Variants in DNAH7 observed in about 807,000 individuals in gnomAD.
DNAH7 encodes the protein dynein axonemal heavy chain 7.
In DNAH7, 397 loss-of-function variants were observed where a neutral mutation model predicts 444.6. The observed-to-expected ratio is 0.89, with a 90% confidence interval of 0.82 to 0.97. The LOEUF is 0.97. DNAH7 is among the 50% of genes least tolerant of loss of function. The probability of loss-of-function intolerance (pLI) is 0.00; values close to 1 mark genes in which losing one functional copy is unlikely to be tolerated. For missense variants in DNAH7, 4,902 were observed against 4,800.8 expected, an observed-to-expected ratio of 1.02 and a Z score of -0.62; for synonymous variants, 1,636 against 1,624.4, an observed-to-expected ratio of 1.01 and a Z score of -0.17.
At chr2:195,975,361 T>C (rs905337735) in intron 15 of DNAH7, among the ~76,000 whole-genome samples, 9 of 152,020 alleles carry the variant, frequency 5.9e-5, no homozygotes, top group Admixed American at 4.6e-4. Flanking sequence ...CAAATGCCCA[T>C]GGAGGGACCA....
At chr2:196,065,213 A>G (rs953834334) in intron 1 of DNAH7, among the ~76,000 whole-genome samples, 3 of 152,328 alleles carry the variant, frequency 2.0e-5, no homozygotes, top group African/African-American at 7.2e-5. Context: ...ATAGAAACAC[A>G]TTGAATACTG....
intron 7 of DNAH7, among the ~76,000 whole-genome samples, chr2:196,025,413 C>A (rs568925460): frequency 6.6e-6 from 1 of 152,236 alleles, no homozygotes; most frequent in East Asian, 1.9e-4. Context: ...CTCTCCTTTA[C>A]CTTTAAGCGC....
intron 10 of DNAH7, among the ~76,000 whole-genome samples, chr2:196,008,631 A>G (rs1694531163): frequency 6.6e-6 from 1 of 152,240 alleles, no homozygotes; most frequent in African/African-American, 2.4e-5. Context: ...TACATGCTAT[A>G]ATATGAATGA....
At chr2:195,875,888 A>C in intron 37 of DNAH7, 45 bp from the exon 38 acceptor site, 1 of 1,552,320 alleles carries the variant, frequency 6.4e-7, no homozygotes, top group Non-Finnish European at 8.7e-7. Flanking sequence ...TAACATCTCA[A>C]CATACAGTCC....
chr2:195,990,552 A>C (rs1311820558), intron 12 of DNAH7, among the ~76,000 whole-genome samples: 2 of 151,952 alleles, frequency 1.3e-5, no homozygotes, highest in Admixed American at 1.3e-4. Flanking sequence ...AGCTACTCCA[A>C]GGGCACTGAG....
chr2:195,877,515 C>CAA (rs1327496156), intron 36 of DNAH7, among the ~76,000 whole-genome samples: 1 of 152,162 alleles, frequency 6.6e-6, no homozygotes, highest in Non-Finnish European at 1.5e-5. Flanking sequence ...TAAAATACCT[C>CAA]AAGCAAGTCC....
intron 54 of DNAH7, among the ~76,000 whole-genome samples, chr2:195,800,901 A>G (rs898409083): frequency 6.6e-6 from 1 of 152,166 alleles, no homozygotes; most frequent in Non-Finnish European, 1.5e-5. Flanking sequence ...TCATGTTTCA[A>G]TTTTCTCCTT....
At chr2:196,011,657 A>G (rs529325287) in intron 10 of DNAH7, among the ~76,000 whole-genome samples, 36 of 152,294 alleles carry the variant, frequency 2.4e-4, no homozygotes, top group African/African-American at 8.2e-4. Context: ...TGGTCATGAT[A>G]AACACTTTCT....
chr2:196,058,264 T>C lies in DNAH7; in HGVS notation c.16-148A>G, dbSNP rs1575120000. Reference sequence around the variant, plus strand: ...GTACAAATGGCATGATCTTATATACTGAAAATCTTAAATAATTCATCAAAA... The same window carrying C: ...GTACAAATGGCATGATCTTATATACCGAAAATCTTAAATAATTCATCAAAA... On this transcript the variant is annotated intron_variant, in intron 1 of 64. Coordinates refer to ENST00000312428, the MANE Select transcript of DNAH7 (RefSeq NM_018897.3). 1.0e-4 allele frequency: 50 copies of C among 488,752 alleles called. No individual in the cohort carries two copies. The East Asian group carries it at 1.6e-3, about 16-fold the overall frequency. 30.3% of individuals were successfully genotyped at this position (488,752 alleles called of 1,614,324 possible). A position where few individuals can be genotyped will look rare whatever the true frequency, so the allele number is the denominator to read the frequency against.
chr2:195,813,149 A>C (rs1337677338), intron 51 of DNAH7, among the ~76,000 whole-genome samples: 1 of 152,208 alleles, frequency 6.6e-6, no homozygotes, highest in Non-Finnish European at 1.5e-5. Context: ...AAAATTTCAT[A>C]ATAACCCCAA....
At chr2:196,025,557 G>A (rs1313500892) in intron 7 of DNAH7, among the ~76,000 whole-genome samples, 1 of 152,090 alleles carries the variant, frequency 6.6e-6, no homozygotes, top group Non-Finnish European at 1.5e-5. Flanking sequence ...CATTTCCTAG[G>A]CCAAGCATGT....
At chr2:195,986,948 AATC>A in intron 14 of DNAH7, 115 bp downstream of exon 14, 1 of 939,322 alleles carries the variant, frequency 1.1e-6, no homozygotes, top group Non-Finnish European at 1.5e-6. Context: ...AGTTTAGCAT[AATC>A]ATTTCTTTGG....
chr2:195,910,236 A>T, intron 24 of DNAH7, 41 bp from the exon 25 acceptor site: 1 of 1,419,298 alleles, frequency 7.0e-7, no homozygotes, highest in Non-Finnish European at 9.2e-7. Context: ...GAATAATGTG[A>T]TTTTTTTTCC....
chr2:195,879,327 G>C (rs1376692887), intron 36 of DNAH7, among the ~76,000 whole-genome samples: 1 of 152,104 alleles, frequency 6.6e-6, no homozygotes, highest in African/African-American at 2.4e-5. Context: ...CAAAAGAGAA[G>C]TAACTAAAGG....
intron 12 of DNAH7, chr2:195,999,325 C>T (rs1157671924): frequency 1.7e-5 from 11 of 663,010 alleles, no homozygotes; most frequent in South Asian, 3.4e-5. Context: ...AGTGAATATT[C>T]GCACAACCAG....
chr2:195,877,670 T>G (rs1701140649), intron 36 of DNAH7, among the ~76,000 whole-genome samples: 1 of 152,188 alleles, frequency 6.6e-6, no homozygotes, highest in Non-Finnish European at 1.5e-5. Flanking sequence ...ATGACTACAT[T>G]TAGCACACAT....
chr2:195,889,075 A>C, intron 31 of DNAH7, 94 bp from the exon 32 acceptor site: 1 of 1,181,926 alleles, frequency 8.5e-7, no homozygotes, highest in Admixed American at 2.4e-5. Context: ...TTAAAATATA[A>C]GTACTAGGAT....
chr2:195,932,852 T>C lies in DNAH7; in HGVS notation c.3471+1739A>G, dbSNP rs560116969. Among the ~76,000 whole-genome samples the C allele has an allele frequency of 2.4e-3, 360 of 152,302 alleles. 1 individual carries two copies. Among genetic ancestry groups the C allele is most frequent in the African/African-American group, 8.3e-3 (343 of 41,570 alleles). On this transcript the variant is annotated intron_variant, in intron 21 of 64. Transcript: ENST00000312428. ...TTTATTGAGGATTTTTGCATCGATG[T>C]TCATCAGGGATATTGGTCTAAAATT...
chr2:196,008,773 G>A (rs1249335243), intron 10 of DNAH7, among the ~76,000 whole-genome samples: 1 of 152,212 alleles, frequency 6.6e-6, no homozygotes, highest in African/African-American at 2.4e-5. Flanking sequence ...GCACCTCTGG[G>A]TGGAAGAATG....
Sources: allele counts gnomAD v4.1 joint callset (sites outside exome capture counted in the v4.1 genomes callset), GRCh38; gene constraint gnomAD v4.1.1; transcripts MANE v1.5; gene names NCBI Gene and HGNC (gene_info 2026-07-23, HGNC 2026-07-21).